RUNX1T1: variants seen among roughly 807,000 people sequenced by gnomAD.
RUNX1T1 encodes the protein protein CBFA2T1.
Under a neutral mutation model 62.8 loss-of-function variants are expected in RUNX1T1, and 4 were observed. The ratio of observed to expected loss-of-function variants is 0.06; its 90% CI spans 0.03 to 0.15. The LOEUF is 0.15. Ranked by LOEUF, RUNX1T1 falls within the 10% of genes least tolerant of loss-of-function variation. The pLI is 1.00. For synonymous variants in RUNX1T1, 291 were observed against 286.0 expected (o/e 1.02, Z -0.18); for missense variants, 508 against 754.3 (o/e 0.67, Z 3.82).
chr8:91,956,186 C>T (rs1809352769), downstream of RUNX1T1: 2 of 230,946 alleles, frequency 8.7e-6, no homozygotes, highest in Admixed American at 1.1e-4. Context: ...AAAAGGGCCT[C>T]TGCTATCTAT....
At chr8:91,977,394 T>A (rs1012668352) in intron 8 of RUNX1T1, 2 of 194,748 alleles carry the variant, frequency 1.0e-5, no homozygotes, top group Non-Finnish European at 2.1e-5. Context: ...TTCATTTCTA[T>A]AAAGTAAATG....
chr8:91,957,071 A>ATCTC (rs1231419129), downstream of RUNX1T1: 14 of 217,878 alleles, frequency 6.4e-5, no homozygotes, highest in Non-Finnish European at 9.2e-6. Flanking sequence ...AGAGACAGAG[A>ATCTC]TAAGAGCTAG....
At chr8:92,064,644 T>A (rs1373906218), upstream of RUNX1T1, among the ~76,000 whole-genome samples, 1 of 152,180 alleles carries the variant, frequency 6.6e-6, no homozygotes, top group Non-Finnish European at 1.5e-5. Context: ...ACTATACTTA[T>A]GTTAGAAAGA....
intron 2 of RUNX1T1, chr8:92,071,170 C>G (rs1312016218): frequency 1.3e-5 from 2 of 152,176 alleles, no homozygotes; most frequent in African/African-American, 4.8e-5. Flanking sequence ...TGTCAAAGAC[C>G]ATATTCCAAT....
chr8:91,982,920 T>C (rs1434114335), intron 8 of RUNX1T1, among the ~76,000 whole-genome samples: 1 of 6,152 alleles, frequency 1.6e-4, no homozygotes, highest in Non-Finnish European at 4.1e-4. Context: ...GGAAAATACT[T>C]TTTTTTTTTT....
chr8:91,992,370 C>T (rs1271753023), intron 5 of RUNX1T1, among the ~76,000 whole-genome samples: 1 of 152,158 alleles, frequency 6.6e-6, no homozygotes, highest in Non-Finnish European at 1.5e-5. Context: ...TTGTCCAATA[C>T]AGTAGCTACA....
At chr8:92,088,886 A>G (rs552227590) in intron 1 of RUNX1T1, among the ~76,000 whole-genome samples, 1 of 152,352 alleles carries the variant, frequency 6.6e-6, no homozygotes, top group East Asian at 1.9e-4. Context: ...CATAATATTC[A>G]ACCCAGTTAG....
At chr8:92,095,645 G>C in intron 1 of RUNX1T1, 1 of 1,254,224 alleles carries the variant, frequency 8.0e-7, no homozygotes, top group Non-Finnish European at 1.0e-6. Flanking sequence ...GAAAGGGACA[G>C]GCAGGAGGGA....
chr8:92,060,072 T>G (rs1831664886), intron 1 of RUNX1T1, among the ~76,000 whole-genome samples: 1 of 152,180 alleles, frequency 6.6e-6, no homozygotes, highest in Non-Finnish European at 1.5e-5. Flanking sequence ...TCAGAAAGCT[T>G]GGAGTCACTG....
intron 1 of RUNX1T1, among the ~76,000 whole-genome samples, chr8:92,099,329 T>A (rs949886324): frequency 9.8e-5 from 15 of 152,304 alleles, no homozygotes; most frequent in African/African-American, 3.6e-4. Context: ...GTTGAATGAG[T>A]TCATTCTTTC....
At chr8:91,986,532 C>A (rs931853248) in intron 7 of RUNX1T1, among the ~76,000 whole-genome samples, 2 of 152,128 alleles carry the variant, frequency 1.3e-5, no homozygotes, top group African/African-American at 2.4e-5. Context: ...GTGTTATGAA[C>A]ACGAGTCAGA....
At chr8:92,102,938 C>T (rs1718775020), upstream of RUNX1T1, 2 of 1,499,436 alleles carry the variant, frequency 1.3e-6, no homozygotes, top group Admixed American at 2.2e-5. This position sits in a 1 kb window ranked among gnomAD's most constrained non-coding sequence, Gnocchi z 4.5. Context: ...GGCCGGCCCG[C>T]GGGGCGACGG....
At chr8:92,024,400 G>A (rs1360001467) in intron 1 of RUNX1T1, among the ~76,000 whole-genome samples, 1 of 149,290 alleles carries the variant, frequency 6.7e-6, no homozygotes, top group African/African-American at 2.5e-5. Flanking sequence ...TTCCTGCTAT[G>A]CAGGAGGTTG....
intron 2 of RUNX1T1, among the ~76,000 whole-genome samples, chr8:92,074,839 A>G (rs938474434): frequency 3.9e-5 from 6 of 152,212 alleles, no homozygotes; most frequent in Non-Finnish European, 7.3e-5. Context: ...ACATCATCAC[A>G]GTATGAAGAA....
chr8:91,964,970 C>T (rs1256770168), intron 10 of RUNX1T1, among the ~76,000 whole-genome samples: 1 of 152,162 alleles, frequency 6.6e-6, no homozygotes, highest in East Asian at 1.9e-4. Context: ...GGAATAATAA[C>T]TGCAGGATTA....
chr8:91,959,456 G>GTATA (rs1418685074), exon 11 of RUNX1T1: 4 of 120,992 alleles, frequency 3.3e-5, no homozygotes, highest in African/African-American at 2.2e-4. Context: ...GTGTGTGTGT[G>GTATA]TGTGTGTGTG....
At chr8:92,063,031 C>G (rs1169714822), upstream of RUNX1T1, 14 of 944,510 alleles carry the variant, frequency 1.5e-5, no homozygotes, top group Non-Finnish European at 1.8e-5. Flanking sequence ...GACCTGGCCC[C>G]CTACCACCCC....
downstream of RUNX1T1, chr8:91,955,219 T>A (rs1391479778): frequency 4.5e-6 from 1 of 220,238 alleles, no homozygotes; most frequent in African/African-American, 2.2e-5. Context: ...GTCCAACATA[T>A]CCACTTGAAT....
intron 5 of RUNX1T1, among the ~76,000 whole-genome samples, chr8:91,993,225 C>G (rs965922494): frequency 6.6e-6 from 1 of 152,114 alleles, no homozygotes; most frequent in Admixed American, 6.5e-5. Flanking sequence ...TCTGCTAACA[C>G]TAGAGCAATT....
Sources: allele counts gnomAD v4.1 joint callset (sites outside exome capture counted in the v4.1 genomes callset), GRCh38; gene constraint gnomAD v4.1.1; non-coding constraint Gnocchi (gnomAD v3.1); transcripts MANE v1.5; gene names NCBI Gene and HGNC (gene_info 2026-07-23, HGNC 2026-07-21).